Variants in LHX4 observed in about 807,000 individuals in gnomAD.
The protein encoded by LHX4 is LIM/homeobox protein Lhx4.
LHX4 carries 16 observed loss-of-function variants against 39.2 expected under a neutral mutation model. That is an observed-to-expected ratio of 0.41 (90% CI 0.28 to 0.62). The LOEUF (loss-of-function observed/expected upper bound fraction) is 0.62. Among genes scored for constraint, LHX4 ranks in the 20% least tolerant of loss-of-function variants. LHX4 has a pLI of 0.33. For missense variants in LHX4, 439 were observed against 511.9 expected (o/e 0.86, Z 1.37); for synonymous variants, 206 against 198.1 (o/e 1.04, Z -0.33).
Position 180,266,633 on chromosome 1 carries a change from T to G in LHX4, c.451+39T>G. The G allele has an allele frequency of 3.1e-6, 5 of 1,596,654 alleles. No individual in the cohort carries two copies. In the South Asian group the frequency reaches 5.6e-5, roughly 18 times the overall value. On this transcript the variant is annotated intron_variant, in intron 3 of 5. Transcript: ENST00000263726. This position sits in a 1 kb window ranked among gnomAD's most constrained non-coding sequence, Gnocchi z 5.7. ...CCCCGCATGGTCCCCTCTCCAGGCC[T>G]TTGTTTGGGCCACGCCCTCTGCCTG...
In LHX4 at chr1:180,234,220, T is replaced by TAA. The variant is rs1553278639; in HGVS notation, c.76+3616_76+3617dup. Among the ~76,000 whole-genome samples, 254 of 70,172 alleles carry TAA rather than the reference T, an allele frequency of 3.6e-3. 10 individuals are homozygous for TAA. The highest frequency in any genetic ancestry group is 9.1e-3 in the African/African-American group (120 of 13,232). The allele number at this position is 70,172 out of a possible 152,430, so 46.0% of individuals were successfully genotyped here. A position where few individuals can be genotyped will look rare whatever the true frequency, so the allele number is the denominator to read the frequency against. ...ATATATATATATATATATATATATA[T>TAA]AATAGATTGAGATTCTATCATATTC... On this transcript the variant is annotated intron_variant, in intron 1 of 5. Transcript: ENST00000263726. The surrounding 1 kb of genome is among the most constrained non-coding windows in gnomAD (Gnocchi z 4.8).
chr1:180,262,231 T>C (rs1186488145), intron 2 of LHX4, among the ~76,000 whole-genome samples: 1 of 150,846 alleles, frequency 6.6e-6, no homozygotes, highest in African/African-American at 2.4e-5. Context: ...TGGACCTTTC[T>C]TTCTCTGGGA....
intron 2 of LHX4, among the ~76,000 whole-genome samples, chr1:180,258,386 C>G (rs1404172652): frequency 6.6e-6 from 1 of 152,190 alleles, no homozygotes; most frequent in East Asian, 1.9e-4. Context: ...GGCGATGGCG[C>G]TGGGATGCCA....
intron 2 of LHX4, among the ~76,000 whole-genome samples, chr1:180,264,536 T>C (rs1471356869): frequency 6.6e-6 from 1 of 152,220 alleles, no homozygotes; most frequent in Middle Eastern, 3.2e-3. Context: ...GCCGACTGTG[T>C]GCTTTGTTCT....
rs1182093232 is a variant in LHX4 at position 180,248,538 on chromosome 1, A to G, written c.248+82A>G. ...GTGAGGGGGAAGTTTGCAGCAGGGT[A>G]GGCCAGGGAGGGTGGAGAGTCCACT... On this transcript the variant is annotated intron_variant, in intron 2 of 5. Transcript: ENST00000263726. 14 of 1,495,146 alleles carry G rather than the reference A, an allele frequency of 9.4e-6. No individual in the cohort carries two copies. In the African/African-American group the frequency reaches 1.8e-4, roughly 19 times the overall value. The allele number at this position is 1,495,146 out of a possible 1,614,324, so 92.6% of individuals were successfully genotyped here. A position where few individuals can be genotyped will look rare whatever the true frequency, so the allele number is the denominator to read the frequency against.
At chr1:180,249,731 A>C (rs1182477284) in intron 2 of LHX4, among the ~76,000 whole-genome samples, 2 of 152,238 alleles carry the variant, frequency 1.3e-5, no homozygotes, top group African/African-American at 4.8e-5. Flanking sequence ...GAGGATTCTC[A>C]CATTTCTTTA....
At chr1:180,233,986 T>C (rs938861791) in intron 1 of LHX4, among the ~76,000 whole-genome samples, 13 of 150,924 alleles carry the variant, frequency 8.6e-5, no homozygotes, top group Non-Finnish European at 5.9e-5. Context: ...CCAGCGCAGG[T>C]CGAGTTGCAG....
intron 2 of LHX4, among the ~76,000 whole-genome samples, chr1:180,263,470 C>T (rs1438675182): frequency 7.4e-6 from 1 of 134,782 alleles, no homozygotes; most frequent in Non-Finnish European, 1.6e-5. Flanking sequence ...TGGGCTGGGC[C>T]GGGGGAGCCT....
intron 5 of LHX4, chr1:180,273,050 C>T (rs1648786660): frequency 6.6e-6 from 1 of 152,192 alleles, no homozygotes; most frequent in Non-Finnish European, 1.5e-5. Flanking sequence ...AGCATGAGCT[C>T]CCCCCACCAT....
At chr1:180,230,036 C>T (rs1365715475), upstream of LHX4, among the ~76,000 whole-genome samples, 1 of 151,286 alleles carries the variant, frequency 6.6e-6, no homozygotes, top group Non-Finnish European at 1.5e-5. The surrounding 1 kb of genome is among the most constrained non-coding windows in gnomAD (Gnocchi z 5.8). Flanking sequence ...CCCCGCCGGC[C>T]TCACTCGGGG....
In LHX4 at chr1:180,274,271, A is replaced by G. The variant is rs1648885072; in HGVS notation, c.865A>G (p.Ser289Gly). 16 of 1,614,196 alleles carry G rather than the reference A, an allele frequency of 9.9e-6. No individual in the cohort carries two copies. Among genetic ancestry groups the G allele is most frequent in the Non-Finnish European group, 1.4e-5 (16 of 1,180,030 alleles). The change falls in exon 6 of 6, where the codon AGC (serine) becomes GGC (glycine). Residue 289 changes from serine to glycine, a missense_variant. Transcript: ENST00000263726. ...TACAGGCGGACAGTTAATGAATGGGAGCTTCTCCATGGACGGGACAGGACA... is the reference window on the plus strand; with the variant it reads ...TACAGGCGGACAGTTAATGAATGGGGGCTTCTCCATGGACGGGACAGGACA... ...DVTGGQLMNG[S>G]FSMDGTGQSY... is the part of the protein sequence containing the mutation.
chr1:180,253,968 CTG>C (rs1158767056), intron 2 of LHX4, among the ~76,000 whole-genome samples: 1 of 152,152 alleles, frequency 6.6e-6, no homozygotes, highest in East Asian at 1.9e-4. Flanking sequence ...ATGTGGATCT[CTG>C]TGAAGAGTTG....
intron 5 of LHX4, chr1:180,272,818 C>T (rs1034710238): frequency 1.3e-5 from 2 of 152,198 alleles, no homozygotes; most frequent in South Asian, 4.1e-4. Context: ...ATATCTTTGC[C>T]CATCTCACTG....
At chr1:180,261,673 C>T (rs1010589046) in intron 2 of LHX4, among the ~76,000 whole-genome samples, 20 of 152,180 alleles carry the variant, frequency 1.3e-4, no homozygotes, top group Non-Finnish European at 2.2e-4. Flanking sequence ...AACTGCTTCT[C>T]TGCTCTGAGA....
intron 1 of LHX4, among the ~76,000 whole-genome samples, chr1:180,245,774 G>C (rs1647358965): frequency 6.7e-6 from 1 of 150,346 alleles, no homozygotes; most frequent in African/African-American, 2.5e-5. Context: ...TGAGGAAACT[G>C]AGGCAGAGAG....
In LHX4 at chr1:180,274,869, C is replaced by A; in HGVS notation, c.*290C>A. 3.1e-6 allele frequency: 1 copy of A among 320,430 alleles called. No homozygotes were observed. The allele number at this position is 320,430 out of a possible 1,614,324, so 19.8% of individuals were successfully genotyped here. On this transcript the variant is annotated 3_prime_UTR_variant, in exon 6 of 6. Transcript: ENST00000263726. ...TCTCCCCTGCTGTTCTGCTTAGGGG[C>A]TTGGCTGCTCAGTGCTTTGGTAGCA...
chr1:180,229,566 G>T (rs371730893), upstream of LHX4, among the ~76,000 whole-genome samples: 3 of 152,154 alleles, frequency 2.0e-5, no homozygotes, highest in South Asian at 2.1e-4. Flanking sequence ...AGACGCGGGG[G>T]AGAGAGAGCA....
chr1:180,236,690 T>G (rs1571256647), intron 1 of LHX4, among the ~76,000 whole-genome samples: 1 of 151,908 alleles, frequency 6.6e-6, no homozygotes, highest in African/African-American at 2.4e-5. Flanking sequence ...GGCGGGTAGG[T>G]GGAATCGGAT....
intron 2 of LHX4, among the ~76,000 whole-genome samples, chr1:180,256,154 C>T (rs191087439): frequency 3.7e-4 from 56 of 152,334 alleles, no homozygotes; most frequent in African/African-American, 1.3e-3. Flanking sequence ...TGTCTTTGGG[C>T]CTCTGCACCA....
Sources: allele counts gnomAD v4.1 joint callset (sites outside exome capture counted in the v4.1 genomes callset), GRCh38; gene constraint gnomAD v4.1.1; non-coding constraint Gnocchi (gnomAD v3.1); transcripts MANE v1.5; gene names NCBI Gene and HGNC (gene_info 2026-07-23, HGNC 2026-07-21).